The following KHDRBS3 variants were observed in gnomAD, a reference collection of about 807,000 sequenced individuals.
KHDRBS3 encodes KH domain-containing, RNA-binding, signal transduction-associated protein 3.
KHDRBS3 carries 23 observed loss-of-function variants against 45.6 expected under a neutral mutation model. The ratio of observed to expected loss-of-function variants is 0.50; its 90% CI spans 0.36 to 0.72. The LOEUF (loss-of-function observed/expected upper bound fraction) is 0.72. Ranked by LOEUF, KHDRBS3 falls within the 30% of genes least tolerant of loss-of-function variation. The pLI, the probability that KHDRBS3 is intolerant of heterozygous loss-of-function variation, is 0.00. For missense variants in KHDRBS3, 352 were observed against 424.8 expected, an observed-to-expected ratio of 0.83 and a Z score of 1.51; for synonymous variants, 162 against 156.5, an observed-to-expected ratio of 1.04 and a Z score of -0.26.
At chr8:135,516,564 C>T (rs1824614880) in intron 1 of KHDRBS3, among the ~76,000 whole-genome samples, 1 of 91,470 alleles carries the variant, frequency 1.1e-5, no homozygotes, top group Non-Finnish European at 2.3e-5. Flanking sequence ...ACATTTGTTT[C>T]TTACATTGTG....
chr8:135,633,749 C>T (rs559044287), intron 7 of KHDRBS3, among the ~76,000 whole-genome samples: 1 of 152,168 alleles, frequency 6.6e-6, no homozygotes, highest in African/African-American at 2.4e-5. Flanking sequence ...AGATTCACAG[C>T]AACATTGAGA....
At chr8:135,538,708 G>A (rs1410937131) in intron 2 of KHDRBS3, 1 of 152,164 alleles carries the variant, frequency 6.6e-6, no homozygotes, top group Admixed American at 6.5e-5. Context: ...GATAAGATGA[G>A]GGCACTGTAT....
intron 2 of KHDRBS3, among the ~76,000 whole-genome samples, chr8:135,536,261 T>TTA (rs1491153948): frequency 9.5e-6 from 1 of 104,788 alleles, no homozygotes; most frequent in Non-Finnish European, 2.2e-5. Context: ...TTTTTTTTTT[T>TTA]TATTATTGTT....
At chr8:135,506,254 C>CT (rs1278897045) in intron 1 of KHDRBS3, among the ~76,000 whole-genome samples, 1 of 152,060 alleles carries the variant, frequency 6.6e-6, no homozygotes, top group African/African-American at 2.4e-5. Flanking sequence ...AAACTAGTGA[C>CT]TGGGGATAAG....
chr8:135,501,145 T>A (rs910279616), intron 1 of KHDRBS3, among the ~76,000 whole-genome samples: 1 of 152,208 alleles, frequency 6.6e-6, no homozygotes, highest in Non-Finnish European at 1.5e-5. Flanking sequence ...CATCTCCTCC[T>A]GCCTTTAAAC....
At chr8:135,493,156 C>A (rs939374385) in intron 1 of KHDRBS3, among the ~76,000 whole-genome samples, 14 of 151,980 alleles carry the variant, frequency 9.2e-5, no homozygotes, top group Non-Finnish European at 1.9e-4. Context: ...CGGCTCACTG[C>A]AAGCTCCGCC....
In KHDRBS3 at chr8:135,633,509, A is replaced by T. The variant is rs1830689826; in HGVS notation, c.891-11550A>T. Among the ~76,000 whole-genome samples, 3 of 152,344 alleles carry T rather than the reference A, an allele frequency of 2.0e-5. 1 individual carries two copies. Among genetic ancestry groups the T allele is most frequent in the South Asian group, 2.1e-4 (1 of 4,824 alleles). Reference sequence around the variant, plus strand: ...CTGCTTTCCTCATAGAATTTATAGAAATATAAGCTCATGTTAATGCCACAA... The same window carrying T: ...CTGCTTTCCTCATAGAATTTATAGATATATAAGCTCATGTTAATGCCACAA... On this transcript the variant is annotated intron_variant, in intron 7 of 8. Coordinates refer to ENST00000355849, the MANE Select transcript of KHDRBS3 (RefSeq NM_006558.3).
intron 7 of KHDRBS3, among the ~76,000 whole-genome samples, chr8:135,641,873 G>A (rs1831071999): frequency 6.6e-6 from 1 of 152,186 alleles, no homozygotes; most frequent in African/African-American, 2.4e-5. Context: ...ATCTTAAGCA[G>A]GAAAGCCGTG....
intron 6 of KHDRBS3, among the ~76,000 whole-genome samples, chr8:135,585,575 G>T (rs773661647): frequency 2.6e-5 from 4 of 152,062 alleles, no homozygotes; most frequent in Non-Finnish European, 4.4e-5. Context: ...ATGAATGAAT[G>T]AATGGTCACA....
intron 7 of KHDRBS3, among the ~76,000 whole-genome samples, chr8:135,621,208 A>G (rs1430488800): frequency 6.6e-6 from 1 of 151,938 alleles, no homozygotes; most frequent in Non-Finnish European, 1.5e-5. Context: ...TAGAGCAGCT[A>G]CTATAAATTC....
At position 135,476,533 on chromosome 8, in the gene KHDRBS3, C is replaced by T. The variant is rs1822297250; in HGVS notation, c.88+18579C>T. ...ACTGTCTTCTCATCTTAACACACTG[C>T]AGTTTGGGAAATGGAAATCATTATC... On this transcript the variant is annotated intron_variant, in intron 1 of 8. Transcript: ENST00000355849. 7.2e-5 allele frequency among the ~76,000 whole-genome samples: 11 copies of T among 152,160 alleles called. No homozygotes were observed. The South Asian group carries it at 2.1e-3, about 29-fold the overall frequency.
intron 6 of KHDRBS3, among the ~76,000 whole-genome samples, chr8:135,584,221 G>T (rs181648167): frequency 2.6e-5 from 4 of 152,354 alleles, no homozygotes; most frequent in Admixed American, 2.0e-4. Flanking sequence ...TGCTCTTTCT[G>T]TCACATGGTA....
At chr8:135,632,954 C>G (rs1412083014) in intron 7 of KHDRBS3, among the ~76,000 whole-genome samples, 1 of 152,164 alleles carries the variant, frequency 6.6e-6, no homozygotes. Flanking sequence ...CCAATTCCTT[C>G]AAATCTCAGC....
chr8:135,491,932 CT>C (rs11327928), intron 1 of KHDRBS3, among the ~76,000 whole-genome samples: 81,240 of 144,064 alleles, frequency 0.56, 22,965 homozygotes, highest in East Asian at 0.77. Context: ...GTGCCAACTT[CT>C]TTTTTTTTTT....
At chr8:135,519,038 CAT>C (rs1431214989) in intron 1 of KHDRBS3, among the ~76,000 whole-genome samples, 1 of 152,126 alleles carries the variant, frequency 6.6e-6, no homozygotes, top group African/African-American at 2.4e-5. Flanking sequence ...AGGATCAAAA[CAT>C]AGTGTAGTAC....
intron 1 of KHDRBS3, among the ~76,000 whole-genome samples, chr8:135,475,421 C>T (rs548942331): frequency 6.1e-4 from 93 of 151,688 alleles, no homozygotes; most frequent in African/African-American, 2.2e-3. Context: ...AAGCAATTCT[C>T]CTGCCTCAGC....
chr8:135,655,647 C>A (rs543513011), intron 4 of KHDRBS3, among the ~76,000 whole-genome samples: 1 of 152,206 alleles, frequency 6.6e-6, no homozygotes, highest in South Asian at 2.1e-4. Flanking sequence ...AAACACTTAC[C>A]TAGGGCCTGG....
At chr8:135,556,160 A>G (rs1336253796) in intron 4 of KHDRBS3, among the ~76,000 whole-genome samples, 1 of 152,140 alleles carries the variant, frequency 6.6e-6, no homozygotes, top group East Asian at 1.9e-4. Context: ...GTTGGTTCCA[A>G]GTCTTTGCTG....
Position 135,460,986 on chromosome 8 carries a change from A to T in KHDRBS3, c.88+3032A>T, listed in dbSNP as rs1330769692. The stretch of plus-strand genomic sequence containing the variant: ...TCCTGTCTGGTATACATTGGCTTTT[A>T]TATTTTTCCAGACTTGTGTTTCATC... On this transcript the variant is annotated intron_variant, in intron 1 of 8. Transcript: ENST00000355849. 5.3e-5 allele frequency among the ~76,000 whole-genome samples: 8 copies of T among 152,288 alleles called. No individual in the cohort carries two copies. In the South Asian group the frequency reaches 1.7e-3, roughly 32 times the overall value.
Sources: gnomAD v4.1 joint callset for allele counts (sites outside exome capture counted in the v4.1 genomes callset) on GRCh38, gnomAD v4.1.1 for gene constraint, MANE v1.5 for transcripts, NCBI Gene and HGNC (gene_info 2026-07-23, HGNC 2026-07-21) for gene names.